HIVEP3: variants seen among roughly 807,000 people sequenced by gnomAD.
HIVEP3 encodes transcription factor HIVEP3.
Under a neutral mutation model 152.8 loss-of-function variants are expected in HIVEP3, and 49 were observed. The ratio of observed to expected loss-of-function variants is 0.32; its 90% CI spans 0.26 to 0.41. HIVEP3 has a LOEUF of 0.41. Among genes scored for constraint, HIVEP3 ranks in the 10% least tolerant of loss-of-function variants. HIVEP3 has a pLI of 1.00. For synonymous variants in HIVEP3, 1,269 were observed against 1,289.0 expected (o/e 0.98, Z 0.33); for missense variants, 2,790 against 3,103.3 (o/e 0.90, Z 2.40).
chr1:41,638,244 TAAAG>T (rs1264435209), intron 2 of HIVEP3, among the ~76,000 whole-genome samples: 62 of 43,764 alleles, frequency 1.4e-3, no homozygotes, highest in South Asian at 5.6e-3. Flanking sequence ...GACAGAGAAA[TAAAG>T]AAAGAGAGAG....
rs1189801641 is a variant in HIVEP3 at position 41,604,307 on chromosome 1, AT to A, written c.-521-18990del. Among the ~76,000 whole-genome samples, 5 of 152,358 alleles carry A rather than the reference AT, an allele frequency of 3.3e-5. No individual in the cohort carries two copies. In the East Asian group the frequency reaches 9.6e-4, roughly 29 times the overall value. ...AGCAACAAATAGAATGGATAAATAA[AT>A]TGTGGTATATTCATATAACAATTAT... On this transcript the variant is annotated intron_variant, in intron 3 of 8. Transcript: ENST00000372583.
At chr1:42,007,345 G>C (rs1645465813) in intron 1 of HIVEP3, among the ~76,000 whole-genome samples, 1 of 152,194 alleles carries the variant, frequency 6.6e-6, no homozygotes, top group South Asian at 2.1e-4. Flanking sequence ...TAGAGATTAA[G>C]ACATTTTTGT....
chr1:41,884,452 C>T (rs1306069845), intron 1 of HIVEP3, among the ~76,000 whole-genome samples: 1 of 152,188 alleles, frequency 6.6e-6, no homozygotes, highest in East Asian at 1.9e-4. Context: ...TGCTAACCAT[C>T]CCGGGATTGC....
At chr1:41,718,056 A>T (rs1376429541) in intron 1 of HIVEP3, among the ~76,000 whole-genome samples, 1 of 152,234 alleles carries the variant, frequency 6.6e-6, no homozygotes, top group African/African-American at 2.4e-5. Context: ...CAGAATCAGA[A>T]TGACCGGTAT....
chr1:41,826,119 C>G (rs949720506), intron 1 of HIVEP3, among the ~76,000 whole-genome samples: 19 of 152,210 alleles, frequency 1.2e-4, no homozygotes, highest in African/African-American at 4.6e-4. Context: ...TATTTGCAGT[C>G]TCCTCTCTCA....
In HIVEP3 at chr1:41,580,551, A is replaced by C. The variant is rs982878331; in HGVS notation, c.4247T>G (p.Leu1416Trp). Reference protein sequence around the residue: ...KGTSLSSESILSLEGSSSTAG... With the variant: ...KGTSLSSESIWSLEGSSSTAG... Reference sequence around the variant, plus strand: ...TGTTGATGAACTCCCCTCCAGGCTCAAGATACTCTCTGATGACAGGGAAGT... The same window carrying C: ...TGTTGATGAACTCCCCTCCAGGCTCCAGATACTCTCTGATGACAGGGAAGT... The change falls in exon 4 of 9, where the codon TTG (leucine) becomes TGG (tryptophan). Residue 1416 changes from leucine to tryptophan, a missense_variant. Physicochemically the swap from Leu to Trp is moderately conservative, Grantham distance 61 (BLOSUM62 -2). Transcript: ENST00000372583. 6.2e-7 allele frequency: 1 copy of C among 1,614,222 alleles called. No homozygotes were observed.
chr1:41,618,887 G>C (rs1645006645), intron 3 of HIVEP3, among the ~76,000 whole-genome samples: 1 of 152,160 alleles, frequency 6.6e-6, no homozygotes, highest in Non-Finnish European at 1.5e-5. Flanking sequence ...ATGTTGGCTT[G>C]ACCTCAAAAT....
chr1:41,545,795 C>T (rs548517910), intron 5 of HIVEP3, among the ~76,000 whole-genome samples: 32 of 151,078 alleles, frequency 2.1e-4, no homozygotes, highest in African/African-American at 7.5e-4. Flanking sequence ...CCACCACCAT[C>T]ACCACCATCA....
intron 2 of HIVEP3, among the ~76,000 whole-genome samples, chr1:41,665,344 G>T (rs1307635564): frequency 6.6e-6 from 1 of 152,170 alleles, no homozygotes; most frequent in Non-Finnish European, 1.5e-5. Flanking sequence ...GGTACCAGGT[G>T]CCAGTTCCTT....
At chr1:41,976,492 G>A (rs953375209) in intron 1 of HIVEP3, among the ~76,000 whole-genome samples, 37 of 152,334 alleles carry the variant, frequency 2.4e-4, no homozygotes, top group African/African-American at 8.9e-4. Context: ...ACCTGAGGGT[G>A]TGACAACCCT....
At chr1:41,529,351 A>AC (rs1350149588) in intron 5 of HIVEP3, among the ~76,000 whole-genome samples, 27 of 108,566 alleles carry the variant, frequency 2.5e-4, no homozygotes, top group Non-Finnish European at 7.3e-5. Context: ...ACATGCTGAC[A>AC]CCCCCACACT....
chr1:41,585,518 C>A (rs529514860), intron 3 of HIVEP3, among the ~76,000 whole-genome samples, 200 bp from the exon 4 acceptor site: 2 of 152,126 alleles, frequency 1.3e-5, no homozygotes, highest in Non-Finnish European at 2.9e-5. Flanking sequence ...TTTCCTCCCC[C>A]GCTCCCATGT....
intron 2 of HIVEP3, among the ~76,000 whole-genome samples, chr1:41,688,591 T>A (rs1333082882): frequency 6.6e-6 from 1 of 152,154 alleles, no homozygotes; most frequent in African/African-American, 2.4e-5. Flanking sequence ...TTTAACACAA[T>A]CTCATTTTTT....
intron 5 of HIVEP3, chr1:41,543,515 T>C (rs1325323049): frequency 6.6e-6 from 1 of 152,212 alleles, no homozygotes; most frequent in East Asian, 1.9e-4. Context: ...CACATGTGGG[T>C]AACTGGCTGT....
chr1:42,007,670 C>T (rs1645467495), intron 1 of HIVEP3, among the ~76,000 whole-genome samples: 1 of 152,212 alleles, frequency 6.6e-6, no homozygotes, highest in Admixed American at 6.5e-5. Context: ...GACACAGGTG[C>T]AAGTGCACAC....
chr1:41,807,538 T>C (rs771262133), intron 1 of HIVEP3, among the ~76,000 whole-genome samples: 5 of 152,086 alleles, frequency 3.3e-5, no homozygotes, highest in Non-Finnish European at 7.4e-5. Context: ...GTTGTTCCAA[T>C]GTGTAGCGAT....
chr1:41,745,809 G>A (rs1647063135), intron 1 of HIVEP3, among the ~76,000 whole-genome samples: 2 of 152,230 alleles, frequency 1.3e-5, no homozygotes, highest in African/African-American at 4.8e-5. Context: ...CTTTCCACCG[G>A]AGGGAATATA....
intron 5 of HIVEP3, among the ~76,000 whole-genome samples, chr1:41,527,742 C>T (rs1173823163): frequency 2.0e-5 from 3 of 147,540 alleles, no homozygotes; most frequent in Non-Finnish European, 4.5e-5. Flanking sequence ...ATGCACCCTA[C>T]ACCCTCGCAT....
At chr1:41,789,391 G>A (rs539446846) in intron 1 of HIVEP3, among the ~76,000 whole-genome samples, 2 of 152,332 alleles carry the variant, frequency 1.3e-5, no homozygotes, top group African/African-American at 4.8e-5. Flanking sequence ...TGAGTTCAAC[G>A]TTTGTGAGCT....
Sources: gnomAD v4.1 joint callset for allele counts (sites outside exome capture counted in the v4.1 genomes callset) on GRCh38, gnomAD v4.1.1 for gene constraint, MANE v1.5 for transcripts, NCBI Gene and HGNC (gene_info 2026-07-23, HGNC 2026-07-21) for gene names.